The following DOK6 variants were observed in gnomAD, a reference collection of about 807,000 sequenced individuals.
The protein encoded by DOK6 is downstream of tyrosine kinase 6.
DOK6 carries 22 observed loss-of-function variants against 44.0 expected under a neutral mutation model. That is an observed-to-expected ratio of 0.50 (90% CI 0.36 to 0.71). The LOEUF (loss-of-function observed/expected upper bound fraction) is 0.71. DOK6 is among the 30% of genes least tolerant of loss of function. The probability of loss-of-function intolerance (pLI) is 0.00; values close to 1 mark genes in which losing one functional copy is unlikely to be tolerated. For synonymous variants in DOK6, 166 were observed against 145.5 expected, an observed-to-expected ratio of 1.14 and a Z score of -1.01; for missense variants, 340 against 416.4, an observed-to-expected ratio of 0.82 and a Z score of 1.60.
At chr18:69,719,057 T>G (rs1986946421) in intron 5 of DOK6, among the ~76,000 whole-genome samples, 1 of 152,186 alleles carries the variant, frequency 6.6e-6, no homozygotes, top group Non-Finnish European at 1.5e-5. Flanking sequence ...GCCCAATGGG[T>G]TCTTGCTCTT....
At chr18:69,580,662 ATTTAT>A (rs1175548280) in intron 2 of DOK6, among the ~76,000 whole-genome samples, 2 of 152,176 alleles carry the variant, frequency 1.3e-5, no homozygotes, top group Non-Finnish European at 1.5e-5. Context: ...CACCTCAAAC[ATTTAT>A]TTTTCTTTGT....
At chr18:69,625,496 C>T (rs1334009019) in intron 3 of DOK6, among the ~76,000 whole-genome samples, 2 of 152,126 alleles carry the variant, frequency 1.3e-5, no homozygotes, top group African/African-American at 4.8e-5. Flanking sequence ...CAGTCAGATA[C>T]ATCATGTCTA....
chr18:69,571,784 A>G (rs969244836), intron 2 of DOK6, among the ~76,000 whole-genome samples: 2 of 152,066 alleles, frequency 1.3e-5, no homozygotes, highest in African/African-American at 2.4e-5. Context: ...TCTATATTGA[A>G]GATTTTAACC....
chr18:69,774,799 A>T (rs1980012418), intron 7 of DOK6, among the ~76,000 whole-genome samples: 2 of 152,044 alleles, frequency 1.3e-5, no homozygotes, highest in African/African-American at 4.8e-5. Context: ...GATGAGGTAA[A>T]TATACAATAA....
chr18:69,747,363 A>C (rs1979018937), intron 6 of DOK6, among the ~76,000 whole-genome samples: 1 of 152,214 alleles, frequency 6.6e-6, no homozygotes, highest in South Asian at 2.1e-4. Context: ...ATCAATGTTC[A>C]TCACAGGGGG....
chr18:69,471,320 G>A (rs1396418388), intron 1 of DOK6, among the ~76,000 whole-genome samples: 6 of 148,818 alleles, frequency 4.0e-5, no homozygotes, highest in Non-Finnish European at 4.4e-5. Context: ...GAGGCTGCCT[G>A]CTGGCTCCAG....
At chr18:69,799,233 C>T (rs1403608522) in intron 7 of DOK6, among the ~76,000 whole-genome samples, 3 of 151,932 alleles carry the variant, frequency 2.0e-5, no homozygotes, top group Non-Finnish European at 4.4e-5. Flanking sequence ...TTCAGATTTT[C>T]TATAATCCAT....
chr18:69,436,279 AT>A (rs1326197184), intron 1 of DOK6, among the ~76,000 whole-genome samples: 1 of 151,788 alleles, frequency 6.6e-6, no homozygotes, highest in Admixed American at 6.6e-5. Flanking sequence ...TCAACCCATC[AT>A]CTACATTAGG....
At chr18:69,744,910 T>C (rs2144742995) in intron 6 of DOK6, among the ~76,000 whole-genome samples, 1 of 116,582 alleles carries the variant, frequency 8.6e-6, no homozygotes, top group South Asian at 2.8e-4. Flanking sequence ...TGGGTAACAG[T>C]AGCAACACTC....
intron 6 of DOK6, among the ~76,000 whole-genome samples, chr18:69,753,098 T>G (rs11151534): frequency 0.53 from 80,622 of 152,108 alleles, 24,643 homozygotes; most frequent in East Asian, 0.69. Context: ...AATGACCTTT[T>G]CAATGAAATG....
At chr18:69,677,610 GT>G in intron 3 of DOK6, 123 bp from the exon 4 acceptor site, 1 of 1,501,374 alleles carries the variant, frequency 6.7e-7, no homozygotes, top group Non-Finnish European at 9.0e-7. Flanking sequence ...ACAGTTTTTT[GT>G]TGTTTTTTTA....
chr18:69,406,427 A>G (rs139708229), intron 1 of DOK6, among the ~76,000 whole-genome samples: 49 of 152,326 alleles, frequency 3.2e-4, no homozygotes, highest in African/African-American at 1.2e-3. Flanking sequence ...AAAACCAAAT[A>G]CAGACATTGT....
chr18:69,755,770 A>AT (rs1343552373), intron 6 of DOK6, among the ~76,000 whole-genome samples: 4 of 152,294 alleles, frequency 2.6e-5, no homozygotes, highest in African/African-American at 9.6e-5. Flanking sequence ...TTGATGCAGG[A>AT]TTTTTTTGCT....
At chr18:69,443,955 A>T (rs1979207962) in intron 1 of DOK6, among the ~76,000 whole-genome samples, 1 of 139,462 alleles carries the variant, frequency 7.2e-6, no homozygotes, top group African/African-American at 2.7e-5. Flanking sequence ...ATATGTACAC[A>T]CACATAATCA....
chr18:69,563,100 G>A (rs903757468), intron 1 of DOK6, among the ~76,000 whole-genome samples: 11 of 152,296 alleles, frequency 7.2e-5, no homozygotes, highest in South Asian at 2.1e-4. Context: ...ACCACAATGC[G>A]ATACCATCTC....
intron 3 of DOK6, among the ~76,000 whole-genome samples, chr18:69,616,333 T>C (rs898218467): frequency 2.0e-5 from 3 of 152,142 alleles, no homozygotes; most frequent in African/African-American, 4.8e-5. Flanking sequence ...CACCATGCCA[T>C]GCTCATTGCT....
chr18:69,416,434 AT>A (rs1235070571), intron 1 of DOK6, among the ~76,000 whole-genome samples: 1 of 152,108 alleles, frequency 6.6e-6, no homozygotes, highest in Non-Finnish European at 1.5e-5. Context: ...AACTCTCCAC[AT>A]TGTCACCTGT....
chr18:69,414,971 A>G (rs1036316427), intron 1 of DOK6, among the ~76,000 whole-genome samples: 10 of 152,248 alleles, frequency 6.6e-5, no homozygotes, highest in South Asian at 2.1e-4. Context: ...TAACTTGTCA[A>G]TTATGAATTT....
chr18:69,460,316 A>T (rs981901043), intron 1 of DOK6, among the ~76,000 whole-genome samples: 25 of 152,208 alleles, frequency 1.6e-4, no homozygotes, highest in Non-Finnish European at 7.4e-5. Context: ...AAGTAATAAA[A>T]CTTATCACCA....
Sources: allele counts gnomAD v4.1 joint callset (sites outside exome capture counted in the v4.1 genomes callset), GRCh38; gene constraint gnomAD v4.1.1; transcripts MANE v1.5; gene names NCBI Gene and HGNC (gene_info 2026-07-23, HGNC 2026-07-21).